NAV3: variants seen among roughly 807,000 people sequenced by gnomAD.
The protein encoded by NAV3 is neuron navigator 3, also known as pore membrane and/or filament interacting like protein 1.
A neutral mutation model predicts 244.7 loss-of-function variants in NAV3; 87 were observed. The observed-to-expected ratio is 0.36, with a 90% CI of 0.30 to 0.42. The LOEUF is 0.42. NAV3 is among the 20% of genes least tolerant of loss of function. NAV3 has a pLI of 1.00. For synonymous variants in NAV3, 1,126 were observed against 1,042.2 expected (o/e 1.08, Z -1.55); for missense variants, 2,663 against 2,893.3 (o/e 0.92, Z 1.83).
chr12:77,784,393 C>T (rs1870810437), intron 2 of NAV3, among the ~76,000 whole-genome samples: 1 of 152,048 alleles, frequency 6.6e-6, no homozygotes, highest in Non-Finnish European at 1.5e-5. Flanking sequence ...ATAGAATTAT[C>T]AATGAGGAAG....
chr12:77,841,059 G>T (rs1875551288), intron 1 of NAV3, among the ~76,000 whole-genome samples: 1 of 152,060 alleles, frequency 6.6e-6, no homozygotes, highest in Non-Finnish European at 1.5e-5. Context: ...TTTTACTTTG[G>T]ATTACTAGTT....
At chr12:77,620,147 T>C (rs1314051887) in intron 2 of NAV3, among the ~76,000 whole-genome samples, 4 of 152,202 alleles carry the variant, frequency 2.6e-5, no homozygotes, top group African/African-American at 4.8e-5. Flanking sequence ...GATTCAGCTT[T>C]TACCTCCTCC....
intron 1 of NAV3, among the ~76,000 whole-genome samples, chr12:77,857,497 A>T (rs1306784128): frequency 1.3e-5 from 2 of 151,972 alleles, no homozygotes; most frequent in Non-Finnish European, 2.9e-5. Flanking sequence ...TAACTAAAAT[A>T]AAAATGTAAT....
intron 2 of NAV3, among the ~76,000 whole-genome samples, chr12:77,818,945 C>T (rs904689852): frequency 3.3e-5 from 5 of 152,046 alleles, no homozygotes; most frequent in Non-Finnish European, 1.5e-5. Flanking sequence ...ATATATTACA[C>T]ATTTATATGT....
intron 2 of NAV3, among the ~76,000 whole-genome samples, chr12:77,722,449 A>T (rs1876681365): frequency 6.6e-6 from 1 of 152,112 alleles, no homozygotes; most frequent in Non-Finnish European, 1.5e-5. Context: ...TTTGATACTT[A>T]AGCCTTTGCT....
intron 12 of NAV3, among the ~76,000 whole-genome samples, chr12:78,093,873 C>T (rs982046545): frequency 6.6e-6 from 1 of 151,720 alleles, no homozygotes; most frequent in Admixed American, 6.6e-5. Context: ...ACTTTGTCAC[C>T]CAAGCTGGAA....
intron 2 of NAV3, among the ~76,000 whole-genome samples, chr12:77,655,487 A>C (rs1203934493): frequency 6.6e-6 from 1 of 152,248 alleles, no homozygotes; most frequent in Non-Finnish European, 1.5e-5. Context: ...TGATTGGTGT[A>C]CCTGAAAGTG....
At chr12:77,793,338 T>C (rs1377970113) in intron 2 of NAV3, among the ~76,000 whole-genome samples, 2 of 152,230 alleles carry the variant, frequency 1.3e-5, no homozygotes, top group Non-Finnish European at 2.9e-5. Context: ...TTGGGATACA[T>C]GTGCAGAACT....
rs189046115 is a variant in NAV3, at chr12:78,116,907, G to A, written c.2769+3G>A. The A allele has an allele frequency of 6.8e-5, 109 of 1,609,242 alleles. 1 individual carries two copies. In the African/African-American group the frequency reaches 1.3e-3, roughly 19 times the overall value. On this transcript the variant is annotated splice_donor_region_variant and intron_variant, in intron 13 of 39. Transcript: ENST00000397909. ...TCCCCTCTAGGAAGAATACTCAGGT[G>A]AGAATTACCACCTTTCTTTTTCCAG... is the stretch of plus-strand genomic sequence containing the variant.
chr12:77,825,888 A>G (rs936141459), intron 2 of NAV3, among the ~76,000 whole-genome samples: 7 of 152,346 alleles, frequency 4.6e-5, no homozygotes, highest in Middle Eastern at 3.4e-3. Flanking sequence ...CAGATATTTC[A>G]CCAAAGATGA....
At chr12:77,921,181 G>A (rs139163834) in intron 1 of NAV3, among the ~76,000 whole-genome samples, 351 of 152,028 alleles carry the variant, frequency 2.3e-3, no homozygotes, top group African/African-American at 7.7e-3. Flanking sequence ...ACGTCTTTTG[G>A]TCATCATAAA....
chr12:77,681,667 T>C (rs11106249), intron 2 of NAV3, among the ~76,000 whole-genome samples: 4,521 of 152,224 alleles, frequency 0.03, 220 homozygotes, highest in African/African-American at 0.1. Flanking sequence ...TTTCCCTCCC[T>C]TTTTCAGGTA....
At chr12:77,858,011 A>G (rs1258452115) in intron 1 of NAV3, among the ~76,000 whole-genome samples, 3 of 152,060 alleles carry the variant, frequency 2.0e-5, no homozygotes, top group African/African-American at 7.2e-5. Context: ...CAAGAAAAAA[A>G]TATACTTTTT....
chr12:77,790,945 C>G (rs1871149905), intron 2 of NAV3, among the ~76,000 whole-genome samples: 1 of 152,232 alleles, frequency 6.6e-6, no homozygotes, highest in Non-Finnish European at 1.5e-5. Flanking sequence ...CCTCCCTACT[C>G]TGCATATGCC....
chr12:77,792,629 T>G (rs1451367112), intron 2 of NAV3, among the ~76,000 whole-genome samples: 1 of 152,208 alleles, frequency 6.6e-6, no homozygotes, highest in Non-Finnish European at 1.5e-5. Context: ...GCAATTTTGG[T>G]TCAAGTACTC....
intron 9 of NAV3, among the ~76,000 whole-genome samples, chr12:78,026,143 A>C (rs146796986): frequency 6.6e-6 from 1 of 152,204 alleles, no homozygotes; most frequent in African/African-American, 2.4e-5. Flanking sequence ...TCTACCTATA[A>C]ATGTGATTTA....
Position 77,573,127 on chromosome 12 carries a change from A to C in NAV3, c.72+861A>C, listed in dbSNP as rs376766238. Among the ~76,000 whole-genome samples, 10 of 152,300 alleles carry C rather than the reference A, an allele frequency of 6.6e-5. No homozygotes were observed. In the East Asian group the frequency reaches 1.4e-3, roughly 21 times the overall value. ...GCTGGCAAGAAATGGGAGAAAAGGAAGGAAATTTTTAGTTAGATGTGGATC... is the reference window on the plus strand; with the variant it reads ...GCTGGCAAGAAATGGGAGAAAAGGACGGAAATTTTTAGTTAGATGTGGATC... On this transcript the variant is annotated intron_variant, in intron 2 of 8. Transcript: ENST00000550042.
chr12:78,138,635 C>A (rs1458482333), intron 19 of NAV3, among the ~76,000 whole-genome samples: 2 of 152,130 alleles, frequency 1.3e-5, no homozygotes, highest in East Asian at 3.9e-4. Flanking sequence ...ACCCTGCTTT[C>A]TGAAATGGTT....
intron 33 of NAV3, 104 bp downstream of exon 33, chr12:78,188,881 G>T: frequency 1.0e-6 from 1 of 999,124 alleles, no homozygotes; most frequent in Non-Finnish European, 1.4e-6. Flanking sequence ...TTTTCTATTT[G>T]AAAACTCTGT....
Sources: gnomAD v4.1 joint callset for allele counts (sites outside exome capture counted in the v4.1 genomes callset) on GRCh38, gnomAD v4.1.1 for gene constraint, MANE v1.5 for transcripts, NCBI Gene and HGNC (gene_info 2026-07-23, HGNC 2026-07-21) for gene names.